The following DCDC1 variants were observed in gnomAD, a reference collection of about 807,000 sequenced individuals.
DCDC1 encodes the protein doublecortin domain-containing protein 1.
A neutral mutation model predicts 178.3 loss-of-function variants in DCDC1; 200 were observed. The ratio of observed to expected loss-of-function variants is 1.12; its 90% CI spans 1.00 to 1.26. The LOEUF (loss-of-function observed/expected upper bound fraction) is 1.26, where lower values mean the gene tolerates loss of function less well. Among genes scored for constraint, DCDC1 ranks in the 50% most tolerant of loss-of-function variants. The pLI, the probability that DCDC1 is intolerant of heterozygous loss-of-function variation, is 0.00. For missense variants in DCDC1, 1,983 were observed against 1,749.2 expected (o/e 1.13, Z -2.38); for synonymous variants, 690 against 604.8 (o/e 1.14, Z -2.07).
intron 24 of DCDC1, among the ~76,000 whole-genome samples, chr11:30,922,188 T>C (rs960937049): frequency 2.0e-5 from 3 of 152,120 alleles, no homozygotes; most frequent in African/African-American, 7.2e-5. Context: ...ATCTGAAAGC[T>C]CTCCCTAAAG....
At chr11:31,353,462 A>T (rs1707181128) in intron 1 of DCDC1, among the ~76,000 whole-genome samples, 1 of 152,210 alleles carries the variant, frequency 6.6e-6, no homozygotes, top group African/African-American at 2.4e-5. Context: ...TTTGATAATA[A>T]ACCACATGGA....
At chr11:31,195,884 C>T (rs893730445) in intron 9 of DCDC1, among the ~76,000 whole-genome samples, 3 of 152,060 alleles carry the variant, frequency 2.0e-5, no homozygotes, top group Admixed American at 2.0e-4. Context: ...TAATCATTTA[C>T]TGAGAACCTA....
chr11:31,345,909 G>A (rs1352039722), intron 1 of DCDC1, among the ~76,000 whole-genome samples: 2 of 152,132 alleles, frequency 1.3e-5, no homozygotes, highest in East Asian at 1.9e-4. Flanking sequence ...GTTTGTCCAG[G>A]CAATGCTTGT....
intron 9 of DCDC1, among the ~76,000 whole-genome samples, chr11:31,138,363 AT>A (rs1348676697): frequency 2.6e-5 from 4 of 152,252 alleles, no homozygotes; most frequent in African/African-American, 9.6e-5. Flanking sequence ...TTACAAAAAA[AT>A]GAATGTGGCC....
At chr11:31,273,276 T>C (rs1180311511) in intron 7 of DCDC1, among the ~76,000 whole-genome samples, 2 of 152,224 alleles carry the variant, frequency 1.3e-5, no homozygotes, top group African/African-American at 4.8e-5. Context: ...AGGCTGTAAA[T>C]TTTCCAAACT....
At chr11:31,258,979 T>A (rs901658264) in intron 8 of DCDC1, among the ~76,000 whole-genome samples, 1 of 152,020 alleles carries the variant, frequency 6.6e-6, no homozygotes, top group Non-Finnish European at 1.5e-5. Context: ...AAGGGAAAAA[T>A]GATACCTCAA....
intron 20 of DCDC1, among the ~76,000 whole-genome samples, chr11:30,991,467 AG>A (rs1233727415): frequency 4.6e-5 from 7 of 152,162 alleles, no homozygotes; most frequent in African/African-American, 1.7e-4. Flanking sequence ...AAAATTAGTA[AG>A]GCTCTTAAGT....
intron 9 of DCDC1, among the ~76,000 whole-genome samples, chr11:31,178,964 T>C (rs892432223): frequency 1.3e-5 from 2 of 152,138 alleles, no homozygotes; most frequent in Non-Finnish European, 2.9e-5. Flanking sequence ...GTGCTGGAAC[T>C]ACAGATGTGA....
At position 31,251,490 on chromosome 11, in the gene DCDC1, C is replaced by T. The variant is rs185614859; in HGVS notation, c.1055-9874G>A. ...GAACAAAAAGGTTGAGTAACTTGGA[C>T]TGTAACTAACTATGCATAGATTCTA... is the stretch of plus-strand genomic sequence containing the variant. On this transcript the variant is annotated intron_variant, in intron 8 of 38. Coordinates refer to ENST00000684477, the MANE Select transcript of DCDC1 (RefSeq NM_001387274.1). 3.3e-5 allele frequency among the ~76,000 whole-genome samples: 5 copies of T among 152,242 alleles called. No homozygotes were observed. In the East Asian group the frequency reaches 5.8e-4, roughly 18 times the overall value.
At chr11:31,118,838 C>G (rs537068677) in intron 11 of DCDC1, among the ~76,000 whole-genome samples, 6 of 152,312 alleles carry the variant, frequency 3.9e-5, no homozygotes, top group Middle Eastern at 3.4e-3. Flanking sequence ...TTATAACAGG[C>G]ACTGCATGGG....
At chr11:31,305,876 A>G (rs934109451) in intron 5 of DCDC1, 99 bp from the exon 6 acceptor site, 8 of 1,370,142 alleles carry the variant, frequency 5.8e-6, no homozygotes, top group Middle Eastern at 1.9e-4. Context: ...TAGAAACCCA[A>G]TTGAGTCACT....
intron 9 of DCDC1, among the ~76,000 whole-genome samples, chr11:31,176,738 G>A (rs1968081471): frequency 6.6e-6 from 1 of 151,912 alleles, no homozygotes; most frequent in Non-Finnish European, 1.5e-5. Flanking sequence ...GGAGAGAATG[G>A]GATAATACAT....
At chr11:30,956,066 C>A (rs1210439522) in intron 20 of DCDC1, among the ~76,000 whole-genome samples, 1 of 152,132 alleles carries the variant, frequency 6.6e-6, no homozygotes, top group Non-Finnish European at 1.5e-5. Context: ...ATCTAACTGG[C>A]AGGAGACCAA....
chr11:30,873,737 C>G (rs1355252150), intron 38 of DCDC1, among the ~76,000 whole-genome samples: 1 of 152,134 alleles, frequency 6.6e-6, no homozygotes, highest in Non-Finnish European at 1.5e-5. Context: ...CTCCTTGTTC[C>G]AAAGCTCTCC....
chr11:30,899,771 TA>T (rs1944521951), intron 33 of DCDC1, 129 bp from the exon 34 acceptor site: 2 of 627,378 alleles, frequency 3.2e-6, no homozygotes, highest in Non-Finnish European at 4.9e-6. Flanking sequence ...TAAGGGTCAT[TA>T]AAAGAAACTT....
chr11:31,364,953 C>G (rs942776225), intron 1 of DCDC1, among the ~76,000 whole-genome samples: 28 of 152,150 alleles, frequency 1.8e-4, no homozygotes, highest in African/African-American at 6.8e-4. Context: ...TTAGCTTCAT[C>G]TTGATTCAAG....
intron 20 of DCDC1, among the ~76,000 whole-genome samples, chr11:30,981,932 A>C (rs1401010736): frequency 6.6e-6 from 1 of 152,194 alleles, no homozygotes; most frequent in East Asian, 1.9e-4. Flanking sequence ...GATAAGCCGT[A>C]AAAACAATCA....
chr11:31,354,229 T>C (rs1310260706), intron 1 of DCDC1, among the ~76,000 whole-genome samples: 1 of 152,166 alleles, frequency 6.6e-6, no homozygotes, highest in Non-Finnish European at 1.5e-5. Flanking sequence ...GAGGTTGCAG[T>C]GAGCCGAGAT....
chr11:31,155,187 A>G (rs1210558685), intron 9 of DCDC1, among the ~76,000 whole-genome samples: 2 of 152,226 alleles, frequency 1.3e-5, no homozygotes, highest in Admixed American at 1.3e-4. Context: ...TTAGTCTGAA[A>G]TGGATTCCAT....
Sources: allele counts gnomAD v4.1 joint callset (sites outside exome capture counted in the v4.1 genomes callset), GRCh38; gene constraint gnomAD v4.1.1; transcripts MANE v1.5; gene names NCBI Gene and HGNC (gene_info 2026-07-23, HGNC 2026-07-21).